NCOA6: variants seen among roughly 807,000 people sequenced by gnomAD.
NCOA6 encodes the protein nuclear receptor coactivator 6.
In NCOA6, 49 loss-of-function variants were observed where a neutral mutation model predicts 171.4. The observed-to-expected ratio is 0.29, with a 90% confidence interval of 0.23 to 0.36. The LOEUF (loss-of-function observed/expected upper bound fraction) is 0.36, where lower values mean the gene tolerates loss of function less well. Among genes scored for constraint, NCOA6 ranks in the 10% least tolerant of loss-of-function variants. NCOA6 has a pLI of 1.00. For synonymous variants in NCOA6, 910 were observed against 927.5 expected (o/e 0.98, Z 0.34); for missense variants, 2,248 against 2,554.5 (o/e 0.88, Z 2.59).
intron 12 of NCOA6, among the ~76,000 whole-genome samples, chr20:34,734,100 G>T (rs1195646357): frequency 6.6e-6 from 1 of 152,084 alleles, no homozygotes; most frequent in Admixed American, 6.6e-5. Context: ...TTGAGACAGG[G>T]TCTCACTCTG....
intron 11 of NCOA6, among the ~76,000 whole-genome samples, chr20:34,738,545 G>A (rs1476494302): frequency 6.6e-6 from 1 of 152,174 alleles, no homozygotes; most frequent in Non-Finnish European, 1.5e-5. Context: ...TATACAATAA[G>A]CACCCAGTCT....
At position 34,718,400 on chromosome 20, in the gene NCOA6, G is replaced by C. The variant is rs142350059; in HGVS notation, c.6149-3035C>G. 2.0e-5 allele frequency among the ~76,000 whole-genome samples: 3 copies of C among 151,252 alleles called. No homozygotes were observed. In the East Asian group the frequency reaches 5.8e-4, roughly 29 times the overall value. On this transcript the variant is annotated intron_variant, in intron 14 of 14. Transcript: ENST00000359003. ...GTCTGAAAAAAACATCTTTTGATGAGTTTTTTTGTTTTGGTAGTTGATTTT... is the reference window on the plus strand; with the variant it reads ...GTCTGAAAAAAACATCTTTTGATGACTTTTTTTGTTTTGGTAGTTGATTTT...
At chr20:34,798,744 C>T (rs2078163187) in intron 1 of NCOA6, among the ~76,000 whole-genome samples, 1 of 152,200 alleles carries the variant, frequency 6.6e-6, no homozygotes, top group Non-Finnish European at 1.5e-5. Context: ...CTCTATGAGT[C>T]TGCAAGAGCC....
At chr20:34,716,808 C>T (rs896818604) in intron 14 of NCOA6, among the ~76,000 whole-genome samples, 2 of 151,704 alleles carry the variant, frequency 1.3e-5, no homozygotes, top group Non-Finnish European at 2.9e-5. Context: ...TGGCAGAGTA[C>T]AGTGAATAGC....
chr20:34,819,787 T>C (rs979377403), intron 1 of NCOA6: 1 of 152,206 alleles, frequency 6.6e-6, no homozygotes, highest in Admixed American at 6.5e-5. Context: ...ACGTTATGTA[T>C]ATTGACTCAT....
chr20:34,820,970 C>T (rs2078990839), intron 1 of NCOA6: 1 of 152,176 alleles, frequency 6.6e-6, no homozygotes, highest in Admixed American at 6.5e-5. Flanking sequence ...CCACACAGTA[C>T]ACTCCAGAAC....
intron 1 of NCOA6, among the ~76,000 whole-genome samples, chr20:34,792,900 C>G (rs1260105389): frequency 6.6e-6 from 1 of 151,670 alleles, no homozygotes; most frequent in Non-Finnish European, 1.5e-5. Context: ...ACCTCAGGCT[C>G]CCAAGTAGCT....
chr20:34,714,796 T>C lies in NCOA6; in HGVS notation c.*526A>G, dbSNP rs1310896106. ...AAATCCCTTACCAATAACATAACTT[T>C]ATGTTCTATGACAATGACATTTATT... On this transcript the variant is annotated 3_prime_UTR_variant, in exon 15 of 15. Transcript: ENST00000359003. 1 of 153,154 alleles carries C rather than the reference T, an allele frequency of 6.5e-6. No homozygotes were observed. Among genetic ancestry groups the C allele is most frequent in the Non-Finnish European group, 1.5e-5 (1 of 68,390 alleles). The allele number at this position is 153,154 out of a possible 1,614,324, so 9.5% of individuals were successfully genotyped here. A position where few individuals can be genotyped will look rare whatever the true frequency, so the allele number is the denominator to read the frequency against.
intron 12 of NCOA6, among the ~76,000 whole-genome samples, chr20:34,734,673 C>T (rs760175986): frequency 8.6e-5 from 13 of 151,130 alleles, no homozygotes; most frequent in Non-Finnish European, 1.6e-4. Context: ...TTTTTTGAGA[C>T]AGAGTTTTGC....
chr20:34,786,299 T>C (rs6120727), intron 2 of NCOA6, among the ~76,000 whole-genome samples: 51,646 of 151,976 alleles, frequency 0.34, 9,167 homozygotes, highest in Middle Eastern at 0.42. Context: ...AAAAACCAGC[T>C]TCTGGATTCA....
chr20:34,740,585 A>C lies in NCOA6; in HGVS notation c.5671T>G (p.Ser1891Ala), dbSNP rs1198636712. 3.1e-6 allele frequency: 5 copies of C among 1,614,038 alleles called. No homozygotes were observed. Among genetic ancestry groups the C allele is most frequent in the Non-Finnish European group, 4.2e-6 (5 of 1,180,026 alleles). Residue 1891 changes from serine (S) to alanine (A), a missense_variant, in exon 11 of 15, where the codon TCT (serine) becomes GCT (alanine). By Grantham distance (99) the Ser-to-Ala change is moderately conservative (BLOSUM62 1). Transcript: ENST00000359003. ...GCAGTGCCCGGGCCCACAGGGCTAG[A>C]GGTCATTTTTAGCAGAGTGGGTGCT... ...PPAPTLLKMT[S>A]SPVGPGTASA...
chr20:34,779,884 A>G (rs2077463396), intron 3 of NCOA6, among the ~76,000 whole-genome samples: 1 of 152,236 alleles, frequency 6.6e-6, no homozygotes, highest in African/African-American at 2.4e-5. Context: ...TAACACAATC[A>G]TAGGAATTTA....
At chr20:34,781,264 A>G (rs956390933) in intron 3 of NCOA6, among the ~76,000 whole-genome samples, 65 of 152,362 alleles carry the variant, frequency 4.3e-4, no homozygotes, top group African/African-American at 1.4e-3. Context: ...AAAGCTAATT[A>G]GCTCTTGATC....
chr20:34,732,514 G>T, intron 13 of NCOA6, 45 bp downstream of exon 13: 5 of 1,586,802 alleles, frequency 3.2e-6, no homozygotes, highest in Non-Finnish European at 4.3e-6. Flanking sequence ...TTTCAAAGAG[G>T]CTTATGCTGT....
chr20:34,789,055 C>T (rs2077780373), intron 2 of NCOA6, among the ~76,000 whole-genome samples: 1 of 152,172 alleles, frequency 6.6e-6, no homozygotes, highest in African/African-American at 2.4e-5. Flanking sequence ...TTTCAAGTTA[C>T]AACTTACAAA....
At position 34,757,814 on chromosome 20, in the gene NCOA6, C is replaced by T. The variant is rs1568790388; in HGVS notation, c.934G>A (p.Val312Met). The change falls in exon 7 of 15, where the codon GTG becomes ATG. Residue 312 changes from valine to methionine, a missense_variant. Val to Met is a conservative substitution (Grantham distance 21). Around this residue, in one of 7 missense-constraint regions of NCOA6, gnomAD observed 987 missense variants for 1,104.7 expected, o/e 0.89. Coordinates refer to ENST00000359003, the MANE Select transcript of NCOA6 (RefSeq NM_014071.5). ...TGGTTCCAGCCTGGAGGAACAGGCA[C>T]CTGAGTTGGGGCAGTAAACTGGGGT... ...IRPQFTAPTQ[V>M]PVPPGWNQLP... 16 of 1,614,030 alleles carry T rather than the reference C, an allele frequency of 9.9e-6. No individual in the cohort carries two copies. Among genetic ancestry groups the T allele is most frequent in the East Asian group, 2.2e-5 (1 of 44,876 alleles).
At chr20:34,788,015 T>C (rs2146280607) in intron 2 of NCOA6, among the ~76,000 whole-genome samples, 1 of 152,174 alleles carries the variant, frequency 6.6e-6, no homozygotes, top group Middle Eastern at 3.4e-3. Flanking sequence ...TACAGGCAGA[T>C]GCCACCACGC....
chr20:34,776,979 T>G (rs1453853803), intron 3 of NCOA6, among the ~76,000 whole-genome samples: 1 of 152,090 alleles, frequency 6.6e-6, no homozygotes, highest in East Asian at 1.9e-4. Context: ...TTGCTGGGCA[T>G]GGTGGCATGC....
chr20:34,808,289 A>T (rs1408492737), intron 1 of NCOA6, among the ~76,000 whole-genome samples: 2 of 151,982 alleles, frequency 1.3e-5, no homozygotes, highest in African/African-American at 4.8e-5. Flanking sequence ...ACAGTGCTGG[A>T]ACTGTGCCCA....
Sources: gnomAD v4.1 joint callset for allele counts (sites outside exome capture counted in the v4.1 genomes callset) on GRCh38, gnomAD v4.1.1 for gene constraint, gnomAD v4.1.1 regional missense constraint, MANE v1.5 for transcripts, NCBI Gene and HGNC (gene_info 2026-07-23, HGNC 2026-07-21) for gene names.